Variants in EP300 observed in about 807,000 individuals in gnomAD.
EP300 encodes histone acetyltransferase p300.
A neutral mutation model predicts 264.0 loss-of-function variants in EP300; 31 were observed. The ratio of observed to expected loss-of-function variants is 0.12; its 90% CI spans 0.09 to 0.16. EP300 has a LOEUF of 0.16. Among genes scored for constraint, EP300 ranks in the 10% least tolerant of loss-of-function variants. EP300 has a pLI of 1.00. For synonymous variants in EP300, 1,340 were observed against 1,045.4 expected, an observed-to-expected ratio of 1.28 and a Z score of -5.44; for missense variants, 2,766 against 3,052.9, an observed-to-expected ratio of 0.91 and a Z score of 2.21.
intron 18 of EP300, among the ~76,000 whole-genome samples, 189 bp from the exon 19 acceptor site, chr22:41,158,223 G>T (rs1009676023): frequency 6.6e-6 from 1 of 152,186 alleles, no homozygotes; most frequent in Non-Finnish European, 1.5e-5. Context: ...TGACTGCTAA[G>T]CCTACCTCAG....
At chr22:41,105,498 A>G (rs2058753932) in intron 1 of EP300, among the ~76,000 whole-genome samples, 1 of 151,766 alleles carries the variant, frequency 6.6e-6, no homozygotes, top group African/African-American at 2.4e-5. Context: ...TCCCGGGTTC[A>G]AGCGATTCTC....
At chr22:41,140,956 A>G in intron 9 of EP300, 92 bp from the exon 10 acceptor site, 1 of 1,232,834 alleles carries the variant, frequency 8.1e-7, no homozygotes. Flanking sequence ...TATAAAATGA[A>G]ACTAATATCT....
Position 41,168,793 on chromosome 22 carries a change from T to G in EP300, c.4098T>G (p.Ile1366Met). Residue 1366 changes from isoleucine to methionine, a missense_variant, in exon 25 of 31, where the codon ATT (isoleucine) becomes ATG (methionine). Physicochemically the swap from Ile to Met is conservative, Grantham distance 10. Coordinates refer to ENST00000263253, the MANE Select transcript of EP300 (RefSeq NM_001429.4). The part of the protein sequence containing the change: ...RTKALFAFEE[I>M]DGVDLCFFGM... ...AAGCCCTCTTTGCCTTTGAAGAAAT[T>G]GATGGTGTTGACCTGTGCTTCTTTG... The G allele has an allele frequency of 6.2e-7, 1 of 1,614,142 alleles. No homozygotes were observed.
chr22:41,113,300 A>C (rs1346719085), intron 1 of EP300, among the ~76,000 whole-genome samples: 7 of 152,016 alleles, frequency 4.6e-5, no homozygotes, highest in African/African-American at 1.7e-4. Context: ...TAAAGTTGAT[A>C]GTATTGCTTT....
intron 2 of EP300, among the ~76,000 whole-genome samples, chr22:41,122,976 T>G (rs148522826): frequency 6.6e-6 from 1 of 152,104 alleles, no homozygotes; most frequent in African/African-American, 2.4e-5. Context: ...TTGGGAATTA[T>G]AATGAGCTAT....
At chr22:41,146,513 C>T (rs924035422) in intron 10 of EP300, 31 of 551,082 alleles carry the variant, frequency 5.6e-5, no homozygotes, top group Non-Finnish European at 8.1e-5. Flanking sequence ...TGAAAGCACC[C>T]GGGCTCATAA....
At chr22:41,125,558 G>A (rs779218552) in intron 2 of EP300, among the ~76,000 whole-genome samples, 6 of 152,048 alleles carry the variant, frequency 3.9e-5, no homozygotes, top group Non-Finnish European at 7.4e-5. Context: ...GAGTCGCCAG[G>A]CCCGGCCACT....
chr22:41,148,909 C>A, intron 12 of EP300, 129 bp from the exon 13 acceptor site: 1 of 1,236,988 alleles, frequency 8.1e-7, no homozygotes, highest in Non-Finnish European at 1.2e-6. Context: ...CAGCCCTCTT[C>A]ACCTATACTC....
At chr22:41,121,499 C>T (rs1434931999) in intron 2 of EP300, among the ~76,000 whole-genome samples, 2 of 152,092 alleles carry the variant, frequency 1.3e-5, no homozygotes, top group African/African-American at 2.4e-5. Context: ...AAAACAAAAG[C>T]TAGAGAATCT....
rs527823507 is a variant in EP300 at position 41,125,509 on chromosome 22, T to G, written c.730-355T>G. ...TCAAACTCCTGACCTCAAGAAACCC[T>G]CCTGCCTTGGCCTCGCAAAGTGGTG... On this transcript the variant is annotated intron_variant, in intron 2 of 30. Coordinates refer to ENST00000263253, the MANE Select transcript of EP300 (RefSeq NM_001429.4). 2.0e-5 allele frequency among the ~76,000 whole-genome samples: 3 copies of G among 151,976 alleles called. No homozygotes were observed. The South Asian group carries it at 6.3e-4, about 32-fold the overall frequency.
Position 41,125,584 on chromosome 22 carries a change from A to G in EP300, c.730-280A>G, listed in dbSNP as rs894246291. Among the ~76,000 whole-genome samples, 13 of 151,886 alleles carry G rather than the reference A, an allele frequency of 8.6e-5. 1 individual carries two copies. The highest frequency in any genetic ancestry group is 7.2e-4 in the Admixed American group (11 of 15,252). On this transcript the variant is annotated intron_variant, in intron 2 of 30. Transcript: ENST00000263253. ...CCCGGCCACTTGGTTTTTTGCCATC[A>G]TGGCTCCCTACAACCTCTACCTCCC...
Position 41,092,678 on chromosome 22 carries a change from T to C in EP300, c.-327T>C. Reference sequence around the variant, plus strand: ...ACCTCGGCTGGGCAGGGGCCGGCCGTGGCGGGCCGGGGACTGCGCCTCTAG... The same window carrying C: ...ACCTCGGCTGGGCAGGGGCCGGCCGCGGCGGGCCGGGGACTGCGCCTCTAG... On this transcript the variant is annotated 5_prime_UTR_variant, in exon 1 of 31. Transcript: ENST00000263253. 1.6e-6 allele frequency: 1 copy of C among 606,432 alleles called. No homozygotes were observed. The allele number at this position is 606,432 out of a possible 1,614,324, so 37.6% of individuals were successfully genotyped here.
intron 10 of EP300, among the ~76,000 whole-genome samples, chr22:41,144,821 C>G (rs999182309): frequency 6.6e-6 from 1 of 151,930 alleles, no homozygotes; most frequent in African/African-American, 2.4e-5. Context: ...ATTTTTAAAC[C>G]ATTTTCATTT....
intron 7 of EP300, 138 bp downstream of exon 7, chr22:41,136,044 C>G (rs1029342949): frequency 1.3e-6 from 1 of 741,622 alleles, no homozygotes; most frequent in Non-Finnish European, 2.4e-6. Context: ...TCCATTCTTT[C>G]TTTTTTCGCT....
chr22:41,152,106 A>C, intron 15 of EP300, 94 bp downstream of exon 15: 1 of 1,584,376 alleles, frequency 6.3e-7, no homozygotes, highest in East Asian at 2.2e-5. Flanking sequence ...TTTGATAATT[A>C]GATCTCATGG....
intron 20 of EP300, among the ~76,000 whole-genome samples, chr22:41,162,501 C>A (rs927255574): frequency 2.6e-5 from 4 of 152,084 alleles, no homozygotes; most frequent in Admixed American, 1.3e-4. Flanking sequence ...TTCCTGGGTT[C>A]TCCATTTCTG....
At chr22:41,128,774 G>A (rs982903175) in intron 4 of EP300, among the ~76,000 whole-genome samples, 1 of 152,120 alleles carries the variant, frequency 6.6e-6, no homozygotes, top group South Asian at 2.1e-4. Flanking sequence ...GCCTCCCAAA[G>A]TGTTAGGATT....
intron 21 of EP300, among the ~76,000 whole-genome samples, chr22:41,163,232 G>A (rs921800257): frequency 2.0e-5 from 3 of 146,864 alleles, no homozygotes; most frequent in Admixed American, 6.9e-5. Context: ...TCAGGAGATC[G>A]AGACCATCCC....
rs1041249174 is a variant in EP300 at position 41,147,876 on chromosome 22, C to G, written c.2171C>G (p.Pro724Arg). ...GGCCAGATGAGCATGGCCCAGCCCC[C>G]TATTGTACCCCGGCAAACCCCTCCT... ...QFGQMSMAQP[P>R]IVPRQTPPLQ... is the part of the protein sequence containing the mutation. Residue 724 changes from proline to arginine, a missense_variant, in exon 12 of 31, where the codon CCT becomes CGT. Transcript: ENST00000263253. 7 of 1,614,158 alleles carry G rather than the reference C, an allele frequency of 4.3e-6. No homozygotes were observed. The South Asian group carries it at 7.7e-5, about 18-fold the overall frequency.
Sources: allele counts gnomAD v4.1 joint callset (sites outside exome capture counted in the v4.1 genomes callset), GRCh38; gene constraint gnomAD v4.1.1; transcripts MANE v1.5; gene names NCBI Gene and HGNC (gene_info 2026-07-23, HGNC 2026-07-21).